The following ANO3 variants were observed in gnomAD, a reference collection of about 807,000 sequenced individuals.
ANO3 encodes the protein anoctamin 3.
ANO3 carries 99 observed loss-of-function variants against 144.8 expected under a neutral mutation model. That is an observed-to-expected ratio of 0.68 (90% confidence interval 0.58 to 0.81). The LOEUF (loss-of-function observed/expected upper bound fraction) is 0.81, where lower values mean the gene tolerates loss of function less well. Ranked by LOEUF, ANO3 falls within the 30% of genes least tolerant of loss-of-function variation. ANO3 has a pLI of 0.00. For synonymous variants in ANO3, 414 were observed against 392.6 expected, an observed-to-expected ratio of 1.05 and a Z score of -0.64; for missense variants, 905 against 1,202.2, an observed-to-expected ratio of 0.75 and a Z score of 3.66.
At chr11:26,212,393 A>C (rs35868946) in intron 1 of ANO3, among the ~76,000 whole-genome samples, 48,752 of 150,900 alleles carry the variant, frequency 0.32, 8,185 homozygotes, top group Non-Finnish European at 0.37. Flanking sequence ...GCGAGCCAGA[A>C]TAATAAAGAA....
At chr11:26,487,346 CA>C (rs1394480614) in intron 4 of ANO3, among the ~76,000 whole-genome samples, 1 of 152,202 alleles carries the variant, frequency 6.6e-6, no homozygotes. Flanking sequence ...TTTTGCCTCC[CA>C]CCATAGTTCT....
At chr11:26,313,478 A>G (rs550874630) in intron 1 of ANO3, among the ~76,000 whole-genome samples, 1 of 152,222 alleles carries the variant, frequency 6.6e-6, no homozygotes, top group African/African-American at 2.4e-5. Context: ...TGAGGTCAAG[A>G]GCTCGAGACC....
At chr11:26,349,279 T>C (rs1427180490) in intron 1 of ANO3, among the ~76,000 whole-genome samples, 1 of 152,210 alleles carries the variant, frequency 6.6e-6, no homozygotes, top group Non-Finnish European at 1.5e-5. Flanking sequence ...AGTTTAGATA[T>C]TACTTCTGAA....
At chr11:26,396,057 T>C (rs1857004797) in intron 1 of ANO3, among the ~76,000 whole-genome samples, 1 of 152,110 alleles carries the variant, frequency 6.6e-6, no homozygotes, top group South Asian at 2.1e-4. Flanking sequence ...GATGCAGGGC[T>C]AATATCCAGA....
At chr11:26,544,594 CTTA>C (rs1193765781) in intron 11 of ANO3, among the ~76,000 whole-genome samples, 3 of 18,232 alleles carry the variant, frequency 1.6e-4, no homozygotes, top group Non-Finnish European at 2.9e-4. Flanking sequence ...TTTAAATGTT[CTTA>C]CCATAAAATA....
At chr11:26,295,382 G>T (rs1356174712) in intron 1 of ANO3, among the ~76,000 whole-genome samples, 1 of 151,474 alleles carries the variant, frequency 6.6e-6, no homozygotes, top group East Asian at 2.0e-4. Context: ...AAAATTAGCC[G>T]GGCTTAGTGG....
At position 26,259,787 on chromosome 11, in the gene ANO3, T is replaced by G. The variant is rs1590220634; in HGVS notation, c.155-49858T>G. Among the ~76,000 whole-genome samples, 3 of 152,280 alleles carry G rather than the reference T, an allele frequency of 2.0e-5. No homozygotes were observed. The South Asian group carries it at 6.2e-4, about 32-fold the overall frequency. On this transcript the variant is annotated intron_variant, in intron 1 of 27. Coordinates refer to the ANO3 transcript ENST00000672621. Reference sequence around the variant, plus strand: ...ACTCCAAGCACTTCTGACCATTGCCTCTTGGTATCAGAGTTGCCAAGGGAA... The same window carrying G: ...ACTCCAAGCACTTCTGACCATTGCCGCTTGGTATCAGAGTTGCCAAGGGAA...
chr11:26,356,483 A>G (rs375658769), intron 1 of ANO3, among the ~76,000 whole-genome samples: 110 of 152,310 alleles, frequency 7.2e-4, no homozygotes, highest in African/African-American at 2.5e-3. Context: ...AGAATTTTAC[A>G]TAAGTGACAT....
intron 1 of ANO3, among the ~76,000 whole-genome samples, chr11:26,195,865 G>T (rs1002690843): frequency 6.6e-6 from 1 of 152,162 alleles, no homozygotes; most frequent in African/African-American, 2.4e-5. Context: ...CCTATTCTCA[G>T]TGAGACACCT....
upstream of ANO3, among the ~76,000 whole-genome samples, chr11:26,328,863 T>C (rs2133885081): frequency 6.6e-6 from 1 of 152,218 alleles, no homozygotes; most frequent in East Asian, 1.9e-4. Context: ...GATAAAAATA[T>C]ATGAAAGTAT....
At chr11:26,308,072 T>C (rs976370089), upstream of ANO3, among the ~76,000 whole-genome samples, 22 of 152,262 alleles carry the variant, frequency 1.4e-4, no homozygotes, top group African/African-American at 5.1e-4. Context: ...AAATTTATTA[T>C]GGCTTTTCTG....
chr11:26,305,016 T>A (rs1167788008), upstream of ANO3, among the ~76,000 whole-genome samples: 7 of 151,772 alleles, frequency 4.6e-5, no homozygotes, highest in Non-Finnish European at 8.8e-5. Context: ...CTGCTTTTTT[T>A]TAAAAAAAAG....
At chr11:26,544,624 G>T (rs1188403371) in intron 11 of ANO3, among the ~76,000 whole-genome samples, 1 of 151,584 alleles carries the variant, frequency 6.6e-6, no homozygotes, top group Admixed American at 6.6e-5. Context: ...AATATGTGAG[G>T]TAATGCATAT....
intron 14 of ANO3, chr11:26,571,939 T>G (rs1850843602): frequency 1.1e-5 from 4 of 378,668 alleles, no homozygotes; most frequent in African/African-American, 2.2e-5. Flanking sequence ...TCTGTCAAAG[T>G]TGAGACCACT....
chr11:26,427,044 G>T, intron 1 of ANO3: 1 of 160,060 alleles, frequency 6.2e-6, no homozygotes, highest in Non-Finnish European at 1.4e-5. Context: ...AAGGAGCCCT[G>T]TGCTGACTTT....
chr11:26,596,600 A>G (rs1851636953), intron 14 of ANO3, among the ~76,000 whole-genome samples: 1 of 152,168 alleles, frequency 6.6e-6, no homozygotes, highest in Non-Finnish European at 1.5e-5. Flanking sequence ...GAGCTTCCTT[A>G]GATCCCTTTG....
intron 17 of ANO3, among the ~76,000 whole-genome samples, chr11:26,605,968 C>T (rs147584554): frequency 0.44 from 67,092 of 151,308 alleles, 15,654 homozygotes; most frequent in East Asian, 0.68. Context: ...TTATTTCTTG[C>T]CTTCTGCTAG....
chr11:26,332,225 C>T lies in ANO3; in HGVS notation c.-51C>T, dbSNP rs1194472351. On this transcript the variant is annotated 5_prime_UTR_variant, in exon 1 of 27. Coordinates refer to ENST00000256737, the MANE Select transcript of ANO3 (RefSeq NM_031418.4). ...GTCTAGAGTCTGGCTACTGTTCCTC[C>T]GCCTCCCTCTCGGGCAGCTCCCTAA... 6.2e-7 allele frequency: 1 copy of T among 1,613,870 alleles called. No individual in the cohort carries two copies. The highest frequency in any genetic ancestry group is 8.5e-7 in the Non-Finnish European group (1 of 1,179,994).
intron 14 of ANO3, among the ~76,000 whole-genome samples, chr11:26,569,120 A>C (rs1030323130): frequency 5.3e-5 from 8 of 152,068 alleles, no homozygotes; most frequent in African/African-American, 1.9e-4. Flanking sequence ...ATCAAGAGTC[A>C]ATAAAGTGAA....
Sources: gnomAD v4.1 joint callset for allele counts (sites outside exome capture counted in the v4.1 genomes callset) on GRCh38, gnomAD v4.1.1 for gene constraint, MANE v1.5 for transcripts, NCBI Gene and HGNC (gene_info 2026-07-23, HGNC 2026-07-21) for gene names.